The following TRIM64C variants were observed in gnomAD, a reference collection of about 807,000 sequenced individuals.
The protein encoded by TRIM64C is tripartite motif containing 64C, also known as tripartite motif-containing protein 64C.
A neutral mutation model predicts 36.1 loss-of-function variants in TRIM64C; 25 were observed. The observed-to-expected ratio is 0.69, with a 90% confidence interval of 0.51 to 0.97. The LOEUF is 0.97. Ranked by LOEUF, TRIM64C falls within the 50% of genes least tolerant of loss-of-function variation. The pLI is 0.00. For missense variants in TRIM64C, 489 were observed against 536.8 expected, an observed-to-expected ratio of 0.91 and a Z score of 0.88; for synonymous variants, 212 against 185.7, an observed-to-expected ratio of 1.14 and a Z score of -1.15.
At position 49,058,220 on chromosome 11, in the gene TRIM64C, T is replaced by C. The variant is rs1262213270; in HGVS notation, c.413-48A>G. The stretch of plus-strand genomic sequence containing the variant: ...TAGCAATGATGAAGACAGTAGATCT[T>C]ATCCCTTTATCAATAAAAAAAAGGC... On this transcript the variant is annotated intron_variant, in intron 1 of 5. Coordinates refer to ENST00000617704, the MANE Select transcript of TRIM64C (RefSeq NM_001206631.1). 2.5e-6 allele frequency: 3 copies of C among 1,212,884 alleles called. No homozygotes were observed. In the South Asian group the frequency reaches 4.3e-5, roughly 17 times the overall value. 75.1% of individuals were successfully genotyped at this position (1,212,884 alleles called of 1,614,324 possible). A position where few individuals can be genotyped will look rare whatever the true frequency, so the allele number is the denominator to read the frequency against.
intron 3 of TRIM64C, 30 bp downstream of exon 3, chr11:49,057,118 T>G (rs1174884449): frequency 1.3e-6 from 2 of 1,549,028 alleles, no homozygotes; most frequent in Admixed American, 2.0e-5. Flanking sequence ...AAAGGCTTCC[T>G]GTCTCTGAGG....
At chr11:49,054,271 A>G in intron 5 of TRIM64C, 64 bp from the exon 6 acceptor site, 2 of 1,486,364 alleles carry the variant, frequency 1.3e-6, no homozygotes, top group East Asian at 4.9e-5. Flanking sequence ...TGGCCCAATT[A>G]TTCACTTCAT....
chr11:49,054,081 G>A lies in TRIM64C; in HGVS notation c.986C>T (p.Ala329Val). 6.4e-7 allele frequency: 1 copy of A among 1,551,570 alleles called. No homozygotes were observed. Among genetic ancestry groups the A allele is most frequent in the Non-Finnish European group, 8.7e-7 (1 of 1,146,854 alleles). The change falls in exon 6 of 6, where the codon GCT becomes GTT. Residue 329 changes from alanine to valine, a missense_variant. Transcript: ENST00000617704. ...GGTGAATGCTTGCGCACACCACACA[G>A]CAAAGCTCTCCACTCCTTGGGGATC... ...PMDPQGVESF[A>V]VWCAQAFTSG...
intron 2 of TRIM64C, 138 bp downstream of exon 2, chr11:49,057,940 A>G (rs1854832848): frequency 1.6e-6 from 1 of 616,938 alleles, no homozygotes; most frequent in Admixed American, 3.1e-5. Context: ...TGCAATTCCT[A>G]TTATATCAAT....
chr11:49,057,047 C>T (rs1010929594), intron 3 of TRIM64C, 101 bp downstream of exon 3: 31 of 1,418,958 alleles, frequency 2.2e-5, no homozygotes, highest in Non-Finnish European at 2.9e-5. Flanking sequence ...GCATGTGTCA[C>T]TTAGCTTAGA....
chr11:49,057,652 CTCTT>C (rs1442985669), intron 2 of TRIM64C: 1 of 501,900 alleles, frequency 2.0e-6, no homozygotes, highest in Admixed American at 3.5e-5. Flanking sequence ...CTATTAATCT[CTCTT>C]TCAGGATTTT....
At position 49,057,184 on chromosome 11, in the gene TRIM64C, C is replaced by T. The variant is rs1197643559; in HGVS notation, c.702G>A (p.Trp234Ter). 1 of 1,549,500 alleles carries T rather than the reference C, an allele frequency of 6.5e-7. No homozygotes were observed. Among genetic ancestry groups the T allele is most frequent in the Non-Finnish European group, 8.7e-7 (1 of 1,146,912 alleles). Residue 234 changes from tryptophan (W) to a stop codon, truncating the protein, a stop_gained, in exon 3 of 6, where the codon TGG (tryptophan) becomes TGA (stop). Transcript: ENST00000617704. LOFTEE classifies it high-confidence loss of function. ...CCACGTCAGGCATGTGGTATGTCTC[C>T]CACAGCTCTCTGTACATGTCTTTCA... ...EGMKDMYREL[W>*]ETYHMPDVEL... is the part of the protein sequence containing the mutation.
At chr11:49,057,407 C>T (rs771945863) in intron 2 of TRIM64C, 29 bp from the exon 3 acceptor site, 48 of 1,543,738 alleles carry the variant, frequency 3.1e-5, no homozygotes, top group Non-Finnish European at 3.9e-5. Flanking sequence ...AAAAGGATTA[C>T]ATGTTCTCAC....
intron 5 of TRIM64C, among the ~76,000 whole-genome samples, chr11:49,055,011 A>G (rs1167529704): frequency 6.6e-6 from 1 of 152,240 alleles, no homozygotes; most frequent in African/African-American, 2.4e-5. Context: ...ATAAACATGA[A>G]ATACTGATGC....
Position 49,059,064 on chromosome 11 carries a change from T to C in TRIM64C, c.49A>G (p.Ile17Val), listed in dbSNP as rs60452246. 0.47 allele frequency: 734,430 copies of C among 1,551,818 alleles called. 180,364 individuals are homozygous for C. The highest frequency in any genetic ancestry group is 0.56 in the Admixed American group (28,404 of 51,124). ...RVFQNELICC[I>V]CVNYFIDPVT... ...GGGTCTATGAAGTAGTTCACGCAAA[T>C]GCAGCAAATGAGCTCATTCTGGAAG... The change falls in exon 1 of 6, where the codon ATT (isoleucine) becomes GTT (valine). Residue 17 changes from isoleucine (I) to valine (V), a missense_variant. By Grantham distance (29) the Ile-to-Val change is conservative. Transcript: ENST00000617704.
chr11:49,053,718 G>A lies in TRIM64C; in HGVS notation c.1349C>T (p.Thr450Ile), dbSNP rs766891674. Residue 450 changes from threonine (T) to isoleucine (I), a missense_variant, in exon 6 of 6, where the codon ACA becomes ATA. Thr to Ile is a moderately conservative substitution (Grantham distance 89). Coordinates refer to ENST00000617704, the MANE Select transcript of TRIM64C (RefSeq NM_001206631.1). ...AATCATCATGAAACCAACTTTTCATGTACAACCAAAGCAAAAGAAAGGCCT... is the reference window on the plus strand; with the variant it reads ...AATCATCATGAAACCAACTTTTCATATACAACCAAAGCAAAAGAAAGGCCT... ...PLRPFFCFGC[T>I] is the part of the protein sequence containing the mutation. The A allele has an allele frequency of 5.2e-5, 81 of 1,548,894 alleles. No individual in the cohort carries two copies. The African/African-American group carries it at 8.5e-4, about 16-fold the overall frequency.
At chr11:49,055,117 T>C (rs1854797974) in intron 5 of TRIM64C, among the ~76,000 whole-genome samples, 193 bp downstream of exon 5, 1 of 152,214 alleles carries the variant, frequency 6.6e-6, no homozygotes, top group African/African-American at 2.4e-5. Context: ...TACATTTTCA[T>C]CAAACTGTAA....
chr11:49,057,340 C>A lies in TRIM64C; in HGVS notation c.546G>T (p.Gln182His). Residue 182 changes from glutamine to histidine, a missense_variant, in exon 3 of 6, where the codon CAG becomes CAT. Physicochemically the swap from Gln to His is conservative, Grantham distance 24. Transcript: ENST00000617704. ...VSLRKVIITI[Q>H]YQKMHIFLDE... is the part of the protein sequence containing the mutation. Reference sequence around the variant, plus strand: ...CGAGAAATATATGCATCTTTTGATACTGAATAGTGATTATCACCTTCCTTA... The same window carrying A: ...CGAGAAATATATGCATCTTTTGATAATGAATAGTGATTATCACCTTCCTTA... 6.5e-7 allele frequency: 1 copy of A among 1,549,788 alleles called. No homozygotes were observed.
At position 49,059,086 on chromosome 11, in the gene TRIM64C, G is replaced by A; in HGVS notation, c.27C>T (p.Phe9=). The change falls in exon 1 of 6, where the codon TTC becomes TTT. Residue 9 remains phenylalanine, a synonymous_variant. Coordinates refer to ENST00000617704, the MANE Select transcript of TRIM64C (RefSeq NM_001206631.1). MDSDTLRV[F]QNELICCICV... The stretch of plus-strand genomic sequence containing the variant: ...AAATGCAGCAAATGAGCTCATTCTG[G>A]AAGACTCGCAGGGTGTCTGAATCCA... 1 of 1,550,394 alleles carries A rather than the reference G, an allele frequency of 6.4e-7. No homozygotes were observed. Among genetic ancestry groups the A allele is most frequent in the Non-Finnish European group, 8.7e-7 (1 of 1,146,992 alleles).
chr11:49,058,977 C>T lies in TRIM64C; in HGVS notation c.136G>A (p.Gly46Ser), dbSNP rs1210030119. 7.1e-6 allele frequency: 11 copies of T among 1,551,310 alleles called. No individual in the cohort carries two copies. The highest frequency in any genetic ancestry group is 8.7e-6 in the Non-Finnish European group (10 of 1,146,934). Residue 46 changes from glycine (G) to serine (S), a missense_variant, in exon 1 of 6, where the codon GGC becomes AGC. By Grantham distance (56) the Gly-to-Ser change is moderately conservative. Transcript: ENST00000617704. ...RPCLCLCSEE[G>S]RAPMRCPLCR... The stretch of plus-strand genomic sequence containing the variant: ...AAAGGGCAGCGCATTGGTGCTCTGC[C>T]TTCTTCTGAGCAGAGGCAGAGGCAG...
Position 49,058,926 on chromosome 11 carries a change from T to C in TRIM64C, c.187A>G (p.Asn63Asp), listed in dbSNP as rs1188636660. Residue 63 changes from asparagine (N) to aspartate (D), a missense_variant, in exon 1 of 6, where the codon AAC (asparagine) becomes GAC (aspartate). Asn to Asp is a conservative substitution (Grantham distance 23). Coordinates refer to ENST00000617704, the MANE Select transcript of TRIM64C (RefSeq NM_001206631.1). ...PLCRKISEKP[N>D]FNTNVALKKL... ...TTGAGTGCCACATTGGTGTTGAAGT[T>C]GGGCTTCTCTGAGATTTTTCTGCAC... The C allele has an allele frequency of 6.4e-7, 1 of 1,551,178 alleles. No homozygotes were observed. The highest frequency in any genetic ancestry group is 8.7e-7 in the Non-Finnish European group (1 of 1,146,922).
intron 4 of TRIM64C, 140 bp downstream of exon 4, chr11:49,056,216 GAGA>G (rs1854812108): frequency 4.6e-6 from 3 of 651,576 alleles, no homozygotes; most frequent in Non-Finnish European, 8.1e-6. Flanking sequence ...CCAAACCAAA[GAGA>G]AGAAGATCTC....
intron 4 of TRIM64C, among the ~76,000 whole-genome samples, chr11:49,056,021 T>G (rs1181536632): frequency 3.6e-5 from 5 of 139,344 alleles, no homozygotes; most frequent in African/African-American, 1.4e-4. Flanking sequence ...CGATCTGTCT[T>G]TTTTTTTTTT....
chr11:49,055,813 C>A (rs1292959363), intron 4 of TRIM64C, among the ~76,000 whole-genome samples: 1 of 152,136 alleles, frequency 6.6e-6, no homozygotes, highest in African/African-American at 2.4e-5. Flanking sequence ...TTCGCTGAGA[C>A]AAAAGGCTTT....
Sources: allele counts gnomAD v4.1 joint callset (sites outside exome capture counted in the v4.1 genomes callset), GRCh38; gene constraint gnomAD v4.1.1; transcripts MANE v1.5; gene names NCBI Gene and HGNC (gene_info 2026-07-23, HGNC 2026-07-21).